Variants in BSX observed in about 807,000 individuals in gnomAD.
BSX encodes brain specific homeobox.
Under a neutral mutation model 16.9 loss-of-function variants are expected in BSX, and 12 were observed. That is an observed-to-expected ratio of 0.71 (90% CI 0.46 to 1.15). The LOEUF (loss-of-function observed/expected upper bound fraction) is 1.15. Ranked by LOEUF, BSX falls within the 50% of genes most tolerant of loss-of-function variation. The pLI is 0.00. For synonymous variants in BSX, 160 were observed against 136.4 expected (o/e 1.17, Z -1.20); for missense variants, 292 against 311.8 (o/e 0.94, Z 0.48).
intron 1 of BSX, 58 bp from the exon 2 acceptor site, chr11:122,979,515 G>A: frequency 6.8e-7 from 1 of 1,481,070 alleles, no homozygotes; most frequent in African/African-American, 1.4e-5. Context: ...AGCAATCTCC[G>A]CTCCGCTCCC....
chr11:122,980,060 G>T (rs1165524130), intron 1 of BSX, among the ~76,000 whole-genome samples: 1 of 152,210 alleles, frequency 6.6e-6, no homozygotes. Flanking sequence ...CGAAACAGAG[G>T]AGCATTTCTC....
intron 1 of BSX, 44 bp downstream of exon 1, chr11:122,981,365 GC>G: frequency 6.8e-7 from 1 of 1,466,614 alleles, no homozygotes; most frequent in Admixed American, 2.5e-5. Context: ...TGTGCTAGAA[GC>G]CCTGCTCTCT....
chr11:122,979,177 A>C (rs1591411236), intron 2 of BSX, 84 bp downstream of exon 2: 1 of 1,287,580 alleles, frequency 7.8e-7, no homozygotes, highest in South Asian at 1.5e-5. Flanking sequence ...TTCTACTCGA[A>C]CTCCACAAGG....
chr11:122,979,798 G>A (rs1864546790), intron 1 of BSX, among the ~76,000 whole-genome samples: 1 of 152,108 alleles, frequency 6.6e-6, no homozygotes, highest in Admixed American at 6.5e-5. Flanking sequence ...GTCGGCCAGC[G>A]CGGAGTCTTC....
Position 122,981,689 on chromosome 11 carries a change from C to T in BSX, c.-18G>A, listed in dbSNP as rs988159129. 2 of 1,573,252 alleles carry T rather than the reference C, an allele frequency of 1.3e-6. No individual in the cohort carries two copies. The highest frequency in any genetic ancestry group is 1.7e-6 in the Non-Finnish European group (2 of 1,161,344). ...AGATTCATCTTGAGCGGAGCACCTGCCACAGGACAAGGGCCGGGACGAAGT... is the reference window on the plus strand; with the variant it reads ...AGATTCATCTTGAGCGGAGCACCTGTCACAGGACAAGGGCCGGGACGAAGT... On this transcript the variant is annotated 5_prime_UTR_variant, in exon 1 of 3. Transcript: ENST00000343035.
intron 2 of BSX, among the ~76,000 whole-genome samples, chr11:122,978,119 T>C (rs973186014): frequency 6.6e-6 from 1 of 152,202 alleles, no homozygotes; most frequent in African/African-American, 2.4e-5. Flanking sequence ...GGTTAGCAGT[T>C]ATGCATATTG....
In BSX at chr11:122,977,788, C is replaced by A. The variant is rs766948506; in HGVS notation, c.563G>T (p.Ser188Ile). 1.2e-6 allele frequency: 2 copies of A among 1,613,616 alleles called. No individual in the cohort carries two copies. The highest frequency in any genetic ancestry group is 1.7e-6 in the Non-Finnish European group (2 of 1,179,780). ...GGTGGCGGCCTCTGAACCGCGGGGG[C>A]TGCCCTCGGGGCTTTCTGGCCCGTC... ...APDGPESPEG[S>I]PRGSEAATAA... Residue 188 changes from serine to isoleucine, a missense_variant, in exon 3 of 3, where the codon AGC becomes ATC. Coordinates refer to ENST00000343035, the MANE Select transcript of BSX (RefSeq NM_001098169.2). This position sits in a 1 kb window ranked among gnomAD's most constrained non-coding sequence, Gnocchi z 4.5.
intron 1 of BSX, among the ~76,000 whole-genome samples, chr11:122,980,798 G>A (rs1864559558): frequency 6.6e-6 from 1 of 152,148 alleles, no homozygotes; most frequent in Non-Finnish European, 1.5e-5. Context: ...CTAAGATTGT[G>A]AGTTAAATGT....
rs1864515009 is a variant in BSX at position 122,977,754 on chromosome 11, C to T, written c.597G>A (p.Glu199=). ...GACCGGCGGGCAGGCTCAGCCGAGC[C>T]TCGGCGGCGGTGGCGGCCTCTGAAC... ...PRGSEAATAA[E]ARLSLPAGPF... is the part of the protein sequence containing the mutation. The change falls in exon 3 of 3, where the codon GAG becomes GAA. Residue 199 remains glutamate, a synonymous_variant. Coordinates refer to ENST00000343035, the MANE Select transcript of BSX (RefSeq NM_001098169.2). This position sits in a 1 kb window ranked among gnomAD's most constrained non-coding sequence, Gnocchi z 4.5. The T allele has an allele frequency of 1.6e-5, 25 of 1,612,144 alleles. No homozygotes were observed. Among genetic ancestry groups the T allele is most frequent in the African/African-American group, 6.7e-5 (5 of 74,920 alleles).
chr11:122,980,807 G>A (rs1411517312), intron 1 of BSX, among the ~76,000 whole-genome samples: 16 of 150,912 alleles, frequency 1.1e-4, no homozygotes, highest in African/African-American at 3.9e-4. Flanking sequence ...TGAGTTAAAT[G>A]TTAGATGTTG....
Position 122,981,822 on chromosome 11 carries a change from G to A in BSX, c.-151C>T, listed in dbSNP as rs948550423. ...GGCCTGGGCTACCCCGGGCGCTGGA[G>A]AGGCAAGAAGACAAGCTCCTGGGTA... On this transcript the variant is annotated 5_prime_UTR_variant, in exon 1 of 3. Transcript: ENST00000343035. 59 of 758,994 alleles carry A rather than the reference G, an allele frequency of 7.8e-5. 1 individual carries two copies. In the South Asian group the frequency reaches 1.1e-3, roughly 14 times the overall value. 47.0% of individuals were successfully genotyped at this position (758,994 alleles called of 1,614,324 possible).
At position 122,981,457 on chromosome 11, in the gene BSX, G is replaced by C; in HGVS notation, c.215C>G (p.Pro72Arg). The C allele has an allele frequency of 1.3e-6, 2 of 1,572,322 alleles. No homozygotes were observed. Among genetic ancestry groups the C allele is most frequent in the Admixed American group, 1.9e-5 (1 of 53,078 alleles). The change falls in exon 1 of 3, where the codon CCT becomes CGT. Residue 72 changes from proline (P) to arginine (R), a missense_variant. By Grantham distance (103) the Pro-to-Arg change is moderately radical. Coordinates refer to ENST00000343035, the MANE Select transcript of BSX (RefSeq NM_001098169.2). ...PTLLAPHAHHPLHKGDHHHPY... is the reference protein window; with the variant it reads ...PTLLAPHAHHRLHKGDHHHPY... ...ATGATGGTGGTCTCCCTTATGCAGA[G>C]GGTGATGGGCGTGAGGAGCCAAGAG...
At chr11:122,980,246 GCTTGACTCTGT>G (rs143221760) in intron 1 of BSX, among the ~76,000 whole-genome samples, 3,122 of 152,134 alleles carry the variant, frequency 0.021, 86 homozygotes, top group East Asian at 0.13. Flanking sequence ...ACCCTCGCAG[GCTTGACTCTGT>G]CTGAGACGCA....
intron 1 of BSX, 21 bp from the exon 2 acceptor site, chr11:122,979,478 A>G: frequency 6.3e-7 from 1 of 1,595,546 alleles, no homozygotes; most frequent in Non-Finnish European, 8.5e-7. Flanking sequence ...AAGAGCAACC[A>G]AGTGGGCAGA....
chr11:122,979,471 A>G lies in BSX; in HGVS notation c.263-14T>C. The G allele has an allele frequency of 1.2e-6, 2 of 1,603,650 alleles. No individual in the cohort carries two copies. The highest frequency in any genetic ancestry group is 1.7e-6 in the Non-Finnish European group (2 of 1,176,256). On this transcript the variant is annotated splice_polypyrimidine_tract_variant and intron_variant, in intron 1 of 2. Transcript: ENST00000343035. The stretch of plus-strand genomic sequence containing the variant: ...GGACTGGCATCCCTGCAGAGAGAAG[A>G]GCAACCAAGTGGGCAGAGCGTGGGT...
Position 122,977,847 on chromosome 11 carries a change from T to C in BSX, c.504A>G (p.Gln168=), listed in dbSNP as rs773997887. Residue 168 remains glutamine, a synonymous_variant, in exon 3 of 3, where the codon CAA becomes CAG. Coordinates refer to ENST00000343035, the MANE Select transcript of BSX (RefSeq NM_001098169.2). This position sits in a 1 kb window ranked among gnomAD's most constrained non-coding sequence, Gnocchi z 4.5. ...FQNRRMKHKK[Q]LRKSQDEPKA... ...TGGGTTCGTCTTGGCTTTTCCGCAG[T>C]TGCTTTTTATGCTTCATCCGCCGGT... is the stretch of plus-strand genomic sequence containing the variant. 1.2e-6 allele frequency: 2 copies of C among 1,613,966 alleles called. No individual in the cohort carries two copies. Among genetic ancestry groups the C allele is most frequent in the Admixed American group, 3.3e-5 (2 of 59,966 alleles).
At position 122,981,562 on chromosome 11, in the gene BSX, G is replaced by T; in HGVS notation, c.110C>A (p.Ala37Asp). 3 of 1,600,260 alleles carry T rather than the reference G, an allele frequency of 1.9e-6. No homozygotes were observed. The highest frequency in any genetic ancestry group is 1.3e-5 in the African/African-American group (1 of 74,878). Residue 37 changes from alanine to aspartate, a missense_variant, in exon 1 of 3, where the codon GCC becomes GAC. Physicochemically the swap from Ala to Asp is moderately radical, Grantham distance 126 (BLOSUM62 -2). Coordinates refer to ENST00000343035, the MANE Select transcript of BSX (RefSeq NM_001098169.2). ...CAGAGAGCTGGCGAAATGGTCTGGG[G>T]CCACCTCTCTCAGCGGCTTGGGCTT... is the stretch of plus-strand genomic sequence containing the variant. ...LHKPKPLREV[A>D]PDHFASSLAS...
At chr11:122,978,175 C>A (rs1173686632) in intron 2 of BSX, among the ~76,000 whole-genome samples, 2 of 152,216 alleles carry the variant, frequency 1.3e-5, no homozygotes, top group African/African-American at 4.8e-5. Flanking sequence ...GGGCAAGTCT[C>A]TTTTACGCTC....
intron 1 of BSX, 51 bp downstream of exon 1, chr11:122,981,359 C>G (rs1261359337): frequency 6.9e-7 from 1 of 1,459,538 alleles, no homozygotes; most frequent in Non-Finnish European, 9.1e-7. Context: ...AGGGTCTGTG[C>G]TAGAAGCCCT....
Sources: allele counts gnomAD v4.1 joint callset (sites outside exome capture counted in the v4.1 genomes callset), GRCh38; gene constraint gnomAD v4.1.1; non-coding constraint Gnocchi (gnomAD v3.1); transcripts MANE v1.5; gene names NCBI Gene and HGNC (gene_info 2026-07-23, HGNC 2026-07-21).